The following NAV3 variants were observed in gnomAD, a reference collection of about 807,000 sequenced individuals.
The protein encoded by NAV3 is pore membrane and/or filament interacting like protein 1.
In NAV3, 87 loss-of-function variants were observed where a neutral mutation model predicts 244.7. That is an observed-to-expected ratio of 0.36 (90% confidence interval 0.30 to 0.42). NAV3 has a LOEUF of 0.42. NAV3 is among the 20% of genes least tolerant of loss of function. The pLI, the probability that NAV3 is intolerant of heterozygous loss-of-function variation, is 1.00. For missense variants in NAV3, 2,663 were observed against 2,893.3 expected, an observed-to-expected ratio of 0.92 and a Z score of 1.83; for synonymous variants, 1,126 against 1,042.2, an observed-to-expected ratio of 1.08 and a Z score of -1.55.
intron 12 of NAV3, among the ~76,000 whole-genome samples, chr12:78,064,776 A>C (rs1048999148): frequency 2.0e-4 from 30 of 152,126 alleles, no homozygotes; most frequent in African/African-American, 6.3e-4. Context: ...TAGATCATAT[A>C]TACGAGTGTA....
chr12:77,667,885 C>T (rs1460070518), intron 2 of NAV3, among the ~76,000 whole-genome samples: 2 of 152,162 alleles, frequency 1.3e-5, no homozygotes, highest in Non-Finnish European at 2.9e-5. Context: ...CCAAGACTCA[C>T]AGAGTCTTCT....
intron 3 of NAV3, among the ~76,000 whole-genome samples, chr12:77,952,317 A>G (rs1890977707): frequency 6.6e-6 from 1 of 152,074 alleles, no homozygotes; most frequent in Non-Finnish European, 1.5e-5. Context: ...TTGCATGTAG[A>G]TGTCCAGCTC....
intron 19 of NAV3, among the ~76,000 whole-genome samples, chr12:78,137,590 A>G (rs1306423986): frequency 6.6e-6 from 1 of 152,208 alleles, no homozygotes; most frequent in East Asian, 1.9e-4. Context: ...TGGCTGTAGA[A>G]GAGTTTAGAC....
At position 78,205,126 on chromosome 12, in the gene NAV3, A is replaced by G. The variant is rs1388730252; in HGVS notation, c.7026A>G (p.Glu2342=). 22 of 1,613,168 alleles carry G rather than the reference A, an allele frequency of 1.4e-5. No individual in the cohort carries two copies. Among genetic ancestry groups the G allele is most frequent in the Non-Finnish European group, 1.9e-5 (22 of 1,179,546 alleles). ...TSKHIPQTDT[E]GDPLMNMLMK... ...AGCACATTCCGCAAACTGACACAGA[A>G]GGAGATCCCCTGGTAAGAATCAGAT... Residue 2342 remains glutamate, a synonymous_variant, in exon 39 of 40, where the codon GAA becomes GAG. Transcript: ENST00000397909.
intron 1 of NAV3, among the ~76,000 whole-genome samples, chr12:77,874,196 G>A (rs1188463334): frequency 6.6e-6 from 1 of 151,960 alleles, no homozygotes; most frequent in African/African-American, 2.4e-5. Context: ...AACACTAGGT[G>A]TTGGTATTCT....
intron 2 of NAV3, among the ~76,000 whole-genome samples, chr12:77,747,522 C>T (rs1053538713): frequency 5.3e-5 from 8 of 152,148 alleles, no homozygotes; most frequent in Non-Finnish European, 1.0e-4. Context: ...ACCCAGCCAT[C>T]CCATTACTGG....
intron 2 of NAV3, among the ~76,000 whole-genome samples, chr12:77,805,332 A>T (rs1048202574): frequency 6.6e-6 from 1 of 152,118 alleles, no homozygotes; most frequent in African/African-American, 2.4e-5. Context: ...TTAGTTTGAG[A>T]TATGTTCCAT....
Position 78,122,415 on chromosome 12 carries a change from A to G in NAV3, c.4225A>G (p.Thr1409Ala), listed in dbSNP as rs1955713894. Residue 1409 changes from threonine (T) to alanine (A), a missense_variant, in exon 16 of 40, where the codon ACT becomes GCT. Physicochemically the swap from Thr to Ala is moderately conservative, Grantham distance 58. Around this residue, in one of 6 missense-constraint regions of NAV3, gnomAD observed 354 missense variants for 413.0 expected, o/e 0.86. Coordinates refer to ENST00000397909, the MANE Select transcript of NAV3 (RefSeq NM_001024383.2). ...CATGAGAACGGGTAGTGTGAGATCT[A>G]CTCTCTCAGAAAGGTGAGCTTTCCT... ...LLMRTGSVRS[T>A]LSESMQLDRN... is the part of the protein sequence containing the mutation. 2 of 1,600,318 alleles carry G rather than the reference A, an allele frequency of 1.2e-6. No individual in the cohort carries two copies. Among genetic ancestry groups the G allele is most frequent in the Non-Finnish European group, 1.7e-6 (2 of 1,174,868 alleles).
chr12:77,675,575 A>G (rs779998207), intron 2 of NAV3, among the ~76,000 whole-genome samples: 5 of 152,218 alleles, frequency 3.3e-5, no homozygotes, highest in Non-Finnish European at 7.3e-5. Context: ...GCACCTAGAA[A>G]GATTGTCATG....
intron 2 of NAV3, among the ~76,000 whole-genome samples, chr12:77,616,600 A>G (rs2136846661): frequency 6.6e-6 from 1 of 152,046 alleles, no homozygotes; most frequent in East Asian, 1.9e-4. Flanking sequence ...CAGAAATGTT[A>G]AGTTACTTGC....
intron 2 of NAV3, among the ~76,000 whole-genome samples, chr12:77,738,576 C>T (rs894874006): frequency 1.3e-5 from 2 of 152,166 alleles, no homozygotes; most frequent in African/African-American, 4.8e-5. Flanking sequence ...TACTCACATA[C>T]ACACACGTTG....
chr12:78,103,995 T>A (rs920355614), intron 12 of NAV3, among the ~76,000 whole-genome samples: 1 of 152,184 alleles, frequency 6.6e-6, no homozygotes, highest in African/African-American at 2.4e-5. Flanking sequence ...GAGAAGGTGT[T>A]TTTATGGAAA....
intron 8 of NAV3, among the ~76,000 whole-genome samples, chr12:78,015,555 G>A (rs967011766): frequency 2.6e-5 from 4 of 151,932 alleles, no homozygotes; most frequent in Admixed American, 6.6e-5. Context: ...ATTTCATTGG[G>A]TGTTTCATGA....
chr12:77,827,053 C>T (rs970618503), upstream of NAV3, among the ~76,000 whole-genome samples: 4 of 151,846 alleles, frequency 2.6e-5, no homozygotes, highest in African/African-American at 2.4e-5. Context: ...GAAACCCTGG[C>T]GAAAAGCTGT....
At chr12:78,118,432 A>T in intron 14 of NAV3, 135 bp downstream of exon 14, 1 of 1,224,380 alleles carries the variant, frequency 8.2e-7, no homozygotes, top group Non-Finnish European at 1.1e-6. Context: ...TCAAATAGTT[A>T]AATAGTTTTT....
intron 2 of NAV3, among the ~76,000 whole-genome samples, chr12:77,746,379 G>A (rs1868543418): frequency 6.6e-6 from 1 of 152,080 alleles, no homozygotes; most frequent in Non-Finnish European, 1.5e-5. Flanking sequence ...CAGACAAGCT[G>A]CACCTGTTTC....
intron 3 of NAV3, among the ~76,000 whole-genome samples, chr12:77,954,462 A>G (rs1308791406): frequency 6.6e-6 from 1 of 152,190 alleles, no homozygotes; most frequent in African/African-American, 2.4e-5. Context: ...GCTCCTCATT[A>G]ATTGTGTAAG....
chr12:77,874,870 T>C (rs975803271), intron 1 of NAV3, among the ~76,000 whole-genome samples: 1 of 109,088 alleles, frequency 9.2e-6, no homozygotes, highest in Non-Finnish European at 1.9e-5. Flanking sequence ...TATTCTGTAT[T>C]TTTTTTATAG....
At chr12:78,161,338 C>T (rs1238903876) in intron 23 of NAV3, among the ~76,000 whole-genome samples, 3 of 152,034 alleles carry the variant, frequency 2.0e-5, no homozygotes, top group Non-Finnish European at 2.9e-5. Context: ...CACCAAATTC[C>T]TCACTGGGCA....
Sources: gnomAD v4.1 joint callset for allele counts (sites outside exome capture counted in the v4.1 genomes callset) on GRCh38, gnomAD v4.1.1 for gene constraint, gnomAD v4.1.1 regional missense constraint, MANE v1.5 for transcripts, NCBI Gene and HGNC (gene_info 2026-07-23, HGNC 2026-07-21) for gene names.